The following ALG6 variants were observed in gnomAD, a reference collection of about 807,000 sequenced individuals.
ALG6 encodes ALG6 alpha-1,3-glucosyltransferase.
ALG6 carries 46 observed loss-of-function variants against 66.6 expected under a neutral mutation model. That is an observed-to-expected ratio of 0.69 (90% CI 0.55 to 0.88). The LOEUF is 0.88. Among genes scored for constraint, ALG6 ranks in the 40% least tolerant of loss-of-function variants. ALG6 has a pLI of 0.00. For synonymous variants in ALG6, 185 were observed against 203.7 expected, an observed-to-expected ratio of 0.91 and a Z score of 0.78; for missense variants, 505 against 586.8, an observed-to-expected ratio of 0.86 and a Z score of 1.44.
rs2100421671 is a variant in ALG6, at chr1:63,411,995, T to C, written c.750T>C (p.Phe250=). The C allele has an allele frequency of 6.2e-7, 1 of 1,614,152 alleles. No homozygotes were observed. Among genetic ancestry groups the C allele is most frequent in the Non-Finnish European group, 8.5e-7 (1 of 1,180,002 alleles). The stretch of plus-strand genomic sequence containing the variant: ...TCGTTCTCTGCTGGCTGCCATTCTT[T>C]ACAGAAAGGGAACAAACCCTGCAGG... The part of the protein sequence containing the change: ...ASFVLCWLPF[F]TEREQTLQVL... The change falls in exon 9 of 15, where the codon TTT becomes TTC. Residue 250 remains phenylalanine, a synonymous_variant. Coordinates refer to ENST00000263440, the MANE Select transcript of ALG6 (RefSeq NM_013339.4).
chr1:63,410,120 C>G (rs969737386), intron 7 of ALG6, among the ~76,000 whole-genome samples: 1 of 152,098 alleles, frequency 6.6e-6, no homozygotes, highest in Non-Finnish European at 1.5e-5. Context: ...TACCCTGAGT[C>G]TCCTCTATGT....
At chr1:63,405,421 C>T (rs1270119650) in intron 5 of ALG6, among the ~76,000 whole-genome samples, 2 of 152,136 alleles carry the variant, frequency 1.3e-5, no homozygotes, top group Non-Finnish European at 2.9e-5. Context: ...CCAGTCATTA[C>T]AGATTATGTT....
chr1:63,411,752 T>C (rs1415235757), intron 8 of ALG6, among the ~76,000 whole-genome samples, 174 bp from the exon 9 acceptor site: 2 of 152,230 alleles, frequency 1.3e-5, no homozygotes, highest in Admixed American at 1.3e-4. Context: ...ACGTCTTAGC[T>C]GTTGTGAATT....
chr1:63,384,735 T>G (rs941437956), intron 2 of ALG6, among the ~76,000 whole-genome samples: 1 of 152,214 alleles, frequency 6.6e-6, no homozygotes, highest in Non-Finnish European at 1.5e-5. Flanking sequence ...AAAGAGACTC[T>G]CTTTTCCCCA....
chr1:63,407,254 A>T lies in ALG6; in HGVS notation c.494+128A>T, dbSNP rs1644493643. The T allele has an allele frequency of 1.0e-5, 7 of 669,616 alleles. No homozygotes were observed. The Admixed American group carries it at 1.7e-4, about 16-fold the overall frequency. 41.5% of individuals were successfully genotyped at this position (669,616 alleles called of 1,614,324 possible). ...TTGCTTATATAAACTATTTCACAAT[A>T]ATATAAAAGAATCTCTTCACTAAGC... On this transcript the variant is annotated intron_variant, in intron 7 of 14. Transcript: ENST00000263440.
intron 11 of ALG6, among the ~76,000 whole-genome samples, chr1:63,418,168 G>A (rs1644554401): frequency 6.6e-6 from 1 of 150,934 alleles, no homozygotes; most frequent in Non-Finnish European, 1.5e-5. Context: ...TGTGAAAAGA[G>A]AGCTGATGGA....
chr1:63,425,630 T>C (rs1448889631), intron 12 of ALG6, among the ~76,000 whole-genome samples: 2 of 152,176 alleles, frequency 1.3e-5, no homozygotes, highest in Non-Finnish European at 2.9e-5. Flanking sequence ...ATCATGATCA[T>C]GTATTTAAAG....
chr1:63,386,225 G>T (rs1648498478), intron 2 of ALG6, among the ~76,000 whole-genome samples: 1 of 151,884 alleles, frequency 6.6e-6, no homozygotes, highest in Admixed American at 6.6e-5. Context: ...CTAGTATTTT[G>T]TTGTGGATTT....
At chr1:63,415,342 C>T (rs1405522467) in intron 10 of ALG6, among the ~76,000 whole-genome samples, 2 of 152,168 alleles carry the variant, frequency 1.3e-5, no homozygotes, top group African/African-American at 4.8e-5. Context: ...TTTTTCCTCC[C>T]ACCCATTAGC....
chr1:63,402,383 C>A, intron 4 of ALG6, 40 bp downstream of exon 4: 1 of 1,379,108 alleles, frequency 7.3e-7, no homozygotes, highest in Non-Finnish European at 1.0e-6. Context: ...AATTTTTATG[C>A]CCTTGGCAGA....
intron 3 of ALG6, among the ~76,000 whole-genome samples, chr1:63,400,272 TATATATATACGTATATATATATAC>T (rs1644451850): frequency 4.5e-5 from 1 of 21,992 alleles, no homozygotes; most frequent in Admixed American, 7.2e-4. Context: ...TATATACGTA[TATATATATACGTATATATATATAC>T]GTATATATAT....
rs1316712862 is a variant in ALG6, at chr1:63,404,513, G to A, written c.318G>A (p.Gln106=). 1 of 1,613,700 alleles carries A rather than the reference G, an allele frequency of 6.2e-7. No individual in the cohort carries two copies. The highest frequency in any genetic ancestry group is 8.5e-7 in the Non-Finnish European group (1 of 1,179,738). Residue 106 remains glutamine (Q), a synonymous_variant, in exon 5 of 15, where the codon CAG becomes CAA. Transcript: ENST00000263440. ...ALHTSRGYES[Q]AHKLFMRTTV... ...ATACATCACGTGGATATGAGAGTCA[G>A]GCACATAAGCTCTTCATGCGTACAA... is the stretch of plus-strand genomic sequence containing the variant.
At position 63,411,332 on chromosome 1, in the gene ALG6, GT is replaced by G; in HGVS notation, c.680+2del. On this transcript the variant is annotated splice_donor_variant, in intron 8 of 14. Transcript: ENST00000263440. LOFTEE classifies it high-confidence loss of function. ...TTAAAAAAGGCCTCAAAGGAAAGGG[GT>G]GAGTGACTTTTAAACACTAGAATCC... 1 of 1,613,222 alleles carries G rather than the reference GT, an allele frequency of 6.2e-7. No individual in the cohort carries two copies. Among genetic ancestry groups the G allele is most frequent in the East Asian group, 2.2e-5 (1 of 44,824 alleles).
At chr1:63,402,616 G>C (rs1443604466) in intron 4 of ALG6, among the ~76,000 whole-genome samples, 1 of 150,948 alleles carries the variant, frequency 6.6e-6, no homozygotes, top group African/African-American at 2.4e-5. Flanking sequence ...ACAGGTGCCC[G>C]CCACCATGCC....
At chr1:63,419,284 A>G in intron 11 of ALG6, 86 bp from the exon 12 acceptor site, 1 of 1,133,590 alleles carries the variant, frequency 8.8e-7, no homozygotes, top group South Asian at 1.3e-5. Context: ...TTTCATTTGA[A>G]ATGATTTTTA....
intron 14 of ALG6, 144 bp from the exon 15 acceptor site, chr1:63,436,679 A>C: frequency 1.3e-6 from 1 of 764,194 alleles, no homozygotes; most frequent in Non-Finnish European, 2.2e-6. Context: ...TTCTAATAGG[A>C]AGTCAAAGTT....
rs538798228 is a variant in ALG6 at position 63,398,429 on chromosome 1, T to C, written c.167+1832T>C. 8.5e-5 allele frequency among the ~76,000 whole-genome samples: 13 copies of C among 152,350 alleles called. 1 individual carries two copies. The South Asian group carries it at 2.1e-3, about 24-fold the overall frequency. ...CCGGACTTTTAAAATTGGCACTTCC[T>C]TGAGTAATTGTGACCTGAGCATCTT... On this transcript the variant is annotated intron_variant, in intron 3 of 14. Transcript: ENST00000263440.
At chr1:63,428,605 A>C in intron 12 of ALG6, 128 bp from the exon 13 acceptor site, 1 of 697,398 alleles carries the variant, frequency 1.4e-6, no homozygotes, top group South Asian at 2.0e-5. Flanking sequence ...AGTCCATATG[A>C]AGACCTTCCT....
Position 63,433,700 on chromosome 1 carries a change from T to G in ALG6, c.1327-3123T>G, listed in dbSNP as rs566044561. On this transcript the variant is annotated intron_variant, in intron 14 of 14. Coordinates refer to ENST00000263440, the MANE Select transcript of ALG6 (RefSeq NM_013339.4). This position sits in a 1 kb window ranked among gnomAD's most constrained non-coding sequence, Gnocchi z 4.2. ...CCAGATTTATTTGTTCTTTAATAGT[T>G]TTTGAGCACTTACTATATGCAAGCA... Among the ~76,000 whole-genome samples the G allele has an allele frequency of 6.6e-6, 1 of 152,296 alleles. No individual in the cohort carries two copies. Among genetic ancestry groups the G allele is most frequent in the Non-Finnish European group, 1.5e-5 (1 of 68,024 alleles).
Sources: allele counts gnomAD v4.1 joint callset (sites outside exome capture counted in the v4.1 genomes callset), GRCh38; gene constraint gnomAD v4.1.1; non-coding constraint Gnocchi (gnomAD v3.1); transcripts MANE v1.5; gene names NCBI Gene and HGNC (gene_info 2026-07-23, HGNC 2026-07-21).